AVL9: variants seen among roughly 807,000 people sequenced by gnomAD.
AVL9 encodes the protein AVL9 cell migration associated.
AVL9 carries 49 observed loss-of-function variants against 79.2 expected under a neutral mutation model. The observed-to-expected ratio is 0.62, with a 90% confidence interval of 0.49 to 0.79. The LOEUF (loss-of-function observed/expected upper bound fraction) is 0.79. AVL9 is among the 30% of genes least tolerant of loss of function. The probability of loss-of-function intolerance (pLI) is 0.00; values close to 1 mark genes in which losing one functional copy is unlikely to be tolerated. For synonymous variants in AVL9, 299 were observed against 280.6 expected (o/e 1.07, Z -0.65); for missense variants, 682 against 776.8 (o/e 0.88, Z 1.45).
At chr7:32,536,610 A>G (rs1788922012) in intron 1 of AVL9, 2 of 152,212 alleles carry the variant, frequency 1.3e-5, no homozygotes, top group Admixed American at 1.3e-4. Context: ...CAATTCAGTC[A>G]TATTGTGACA....
chr7:32,542,993 C>T (rs1043669218), intron 1 of AVL9, 148 bp from the exon 2 acceptor site: 23 of 950,964 alleles, frequency 2.4e-5, no homozygotes, highest in Non-Finnish European at 3.1e-5. Flanking sequence ...TCTTCCATGC[C>T]ATAGGTTTGC....
At chr7:32,498,496 C>T (rs1159332975) in intron 1 of AVL9, among the ~76,000 whole-genome samples, 9 of 151,980 alleles carry the variant, frequency 5.9e-5, no homozygotes, top group African/African-American at 2.2e-4. Context: ...GTGATCCACC[C>T]GCCTTGGCCT....
chr7:32,495,788 A>T lies in AVL9; in HGVS notation c.79A>T (p.Lys27Ter), dbSNP rs1786770843. The T allele has an allele frequency of 3.2e-6, 4 of 1,258,960 alleles. No individual in the cohort carries two copies. The highest frequency in any genetic ancestry group is 4.0e-6 in the Non-Finnish European group (4 of 992,164). The allele number at this position is 1,258,960 out of a possible 1,614,324, so 78.0% of individuals were successfully genotyped here. Residue 27 changes from lysine (K) to a stop codon, truncating the protein, a stop_gained, in exon 1 of 16, where the codon AAG (lysine) becomes TAG (stop). Coordinates refer to ENST00000318709, the MANE Select transcript of AVL9 (RefSeq NM_015060.3). LOFTEE classifies it high-confidence loss of function. The stretch of plus-strand genomic sequence containing the variant: ...CATCGTGGTGGTCGGATTTCACCAC[A>T]AGAAGGGCTGCCAGGTGAGGAAAGG... ...LHIVVVGFHH[K>*]KGCQVEFSYP...
intron 1 of AVL9, among the ~76,000 whole-genome samples, chr7:32,508,028 T>C (rs994542887): frequency 5.9e-5 from 9 of 152,212 alleles, no homozygotes; most frequent in African/African-American, 2.2e-4. Context: ...TATCCTCTTT[T>C]TGTGACGCAC....
chr7:32,526,742 G>T (rs1448621912), intron 1 of AVL9, among the ~76,000 whole-genome samples: 1 of 152,022 alleles, frequency 6.6e-6, no homozygotes, highest in Non-Finnish European at 1.5e-5. Context: ...GAGTCCCAGC[G>T]GTTTCATACA....
intron 10 of AVL9, among the ~76,000 whole-genome samples, chr7:32,566,834 G>A (rs1052468570): frequency 2.0e-5 from 3 of 152,208 alleles, no homozygotes; most frequent in African/African-American, 7.2e-5. Context: ...AGTGAACCGA[G>A]ATCGCGCCAC....
At chr7:32,525,343 TTTCACTAGA>T (rs1364657713) in intron 1 of AVL9, among the ~76,000 whole-genome samples, 1 of 152,182 alleles carries the variant, frequency 6.6e-6, no homozygotes, top group Non-Finnish European at 1.5e-5. Flanking sequence ...TTACCAAGAC[TTTCACTAGA>T]ATAGCATATT....
intron 12 of AVL9, among the ~76,000 whole-genome samples, chr7:32,574,992 C>A (rs372219688): frequency 2.0e-4 from 31 of 152,298 alleles, no homozygotes; most frequent in African/African-American, 7.5e-4. Context: ...CAAACCATTT[C>A]TAATCTTCCA....
In AVL9 at chr7:32,565,569, A is replaced by AAG. The variant is rs1554345225; in HGVS notation, c.1216-4450_1216-4449insGA. On this transcript the variant is annotated intron_variant, in intron 10 of 15. Coordinates refer to ENST00000318709, the MANE Select transcript of AVL9 (RefSeq NM_015060.3). ...AGCAAAACTCCGTCTCAAAAAAAAA[A>AAG]AAAGAAAGAAAGAAATTACCTCAAT... Among the ~76,000 whole-genome samples the AAG allele has an allele frequency of 1.9e-3, 283 of 151,594 alleles. 1 individual carries two copies. Among genetic ancestry groups the AAG allele is most frequent in the African/African-American group, 6.6e-3 (273 of 41,344 alleles).
intron 11 of AVL9, among the ~76,000 whole-genome samples, chr7:32,572,728 G>A (rs1489448298): frequency 1.3e-5 from 2 of 148,292 alleles, no homozygotes; most frequent in Non-Finnish European, 1.5e-5. Flanking sequence ...CATGAACCCA[G>A]GAGGCAGAGC....
rs1271950779 is a variant in AVL9, at chr7:32,507,578, T to C, written c.93+11776T>C. ...ATTCATCTATGCCGTTGCATATTCC[T>C]GTGGTTTCATTTCTTCTCATAACTG... On this transcript the variant is annotated intron_variant, in intron 1 of 15. Transcript: ENST00000318709. 3.9e-5 allele frequency among the ~76,000 whole-genome samples: 6 copies of C among 152,360 alleles called. No individual in the cohort carries two copies. In the East Asian group the frequency reaches 1.2e-3, roughly 29 times the overall value.
At chr7:32,580,390 C>A in intron 14 of AVL9, 118 bp downstream of exon 14, 1 of 749,430 alleles carries the variant, frequency 1.3e-6, no homozygotes, top group South Asian at 1.7e-5. Context: ...AAATAGTAAC[C>A]AAATATGTGC....
intron 10 of AVL9, among the ~76,000 whole-genome samples, chr7:32,562,032 C>A (rs746660216): frequency 2.0e-5 from 3 of 152,064 alleles, no homozygotes; most frequent in African/African-American, 4.8e-5. Context: ...AAAACAATTA[C>A]AATAGTAACA....
intron 1 of AVL9, among the ~76,000 whole-genome samples, chr7:32,496,932 C>G (rs922010237): frequency 6.6e-6 from 1 of 152,180 alleles, no homozygotes; most frequent in African/African-American, 2.4e-5. Flanking sequence ...GAAACACTGT[C>G]TCCACAAAAA....
chr7:32,514,657 G>T (rs940233775), intron 1 of AVL9, among the ~76,000 whole-genome samples: 1 of 152,164 alleles, frequency 6.6e-6, no homozygotes, highest in Non-Finnish European at 1.5e-5. Context: ...CTTGCCTTAA[G>T]TGATGACATT....
At chr7:32,563,600 A>G (rs1226396407) in intron 10 of AVL9, among the ~76,000 whole-genome samples, 2 of 150,888 alleles carry the variant, frequency 1.3e-5, no homozygotes, top group Non-Finnish European at 2.9e-5. Context: ...GCAGTCTACC[A>G]CCTTTTCAGT....
intron 7 of AVL9, 60 bp downstream of exon 7, chr7:32,553,827 C>G: frequency 8.2e-7 from 1 of 1,226,122 alleles, no homozygotes; most frequent in Non-Finnish European, 1.2e-6. Context: ...CAACACTGTT[C>G]TTAGTGTGCT....
intron 15 of AVL9, among the ~76,000 whole-genome samples, chr7:32,582,171 C>G (rs1254118872): frequency 6.6e-6 from 1 of 152,148 alleles, no homozygotes; most frequent in African/African-American, 2.4e-5. Flanking sequence ...AAGAAACTCC[C>G]AATTATCTTC....
At chr7:32,566,939 C>A (rs1483822170) in intron 10 of AVL9, among the ~76,000 whole-genome samples, 1 of 152,166 alleles carries the variant, frequency 6.6e-6, no homozygotes, top group African/African-American at 2.4e-5. Context: ...AAGATTATTT[C>A]AAGTATTGTT....
Sources: gnomAD v4.1 joint callset for allele counts (sites outside exome capture counted in the v4.1 genomes callset) on GRCh38, gnomAD v4.1.1 for gene constraint, MANE v1.5 for transcripts, NCBI Gene and HGNC (gene_info 2026-07-23, HGNC 2026-07-21) for gene names.